The following MROH2B variants were observed in gnomAD, a reference collection of about 807,000 sequenced individuals.
MROH2B encodes maestro heat-like repeat-containing protein family member 2B.
In MROH2B, 177 loss-of-function variants were observed where a neutral mutation model predicts 208.6. The ratio of observed to expected loss-of-function variants is 0.85; its 90% CI spans 0.75 to 0.96. MROH2B has a LOEUF of 0.96. Ranked by LOEUF, MROH2B falls within the 40% of genes least tolerant of loss-of-function variation. The pLI is 0.00. For missense variants in MROH2B, 2,002 were observed against 1,878.7 expected (o/e 1.07, Z -1.21); for synonymous variants, 728 against 659.0 (o/e 1.10, Z -1.60).
intron 11 of MROH2B, among the ~76,000 whole-genome samples, 156 bp from the exon 12 acceptor site, chr5:41,052,743 A>G (rs1015405090): frequency 1.3e-5 from 2 of 152,242 alleles, no homozygotes; most frequent in African/African-American, 4.8e-5. Flanking sequence ...AATAATCCTT[A>G]TCCAAAATGC....
chr5:41,019,110 C>T (rs1375629365), intron 24 of MROH2B, 92 bp from the exon 25 acceptor site: 1 of 1,505,826 alleles, frequency 6.6e-7, no homozygotes, highest in Non-Finnish European at 9.1e-7. Context: ...CACATCTGAC[C>T]AGGCAACTAA....
At chr5:41,039,392 A>G (rs749973880) in intron 20 of MROH2B, 56 bp downstream of exon 20, 1 of 1,032,854 alleles carries the variant, frequency 9.7e-7, no homozygotes, top group South Asian at 1.5e-5. Context: ...CACTGAAGAA[A>G]TCAGGGTTGT....
chr5:41,051,841 T>G (rs1282966013), intron 12 of MROH2B, among the ~76,000 whole-genome samples: 1 of 152,196 alleles, frequency 6.6e-6, no homozygotes, highest in Non-Finnish European at 1.5e-5. Context: ...ATGGTGTTTT[T>G]AAAGGATTTT....
intron 28 of MROH2B, among the ~76,000 whole-genome samples, chr5:41,016,498 G>GTTT (rs10689623): frequency 0.24 from 19,476 of 80,702 alleles, 5,668 homozygotes; most frequent in South Asian, 0.32. Flanking sequence ...CTACTGTAAT[G>GTTT]TTTTTTTTTT....
chr5:41,000,985 C>T (rs1007105865), intron 37 of MROH2B, among the ~76,000 whole-genome samples, 152 bp from the exon 38 acceptor site: 3 of 152,082 alleles, frequency 2.0e-5, no homozygotes, highest in African/African-American at 7.2e-5. Context: ...CTAAATGTTC[C>T]AAGAACTTGC....
intron 29 of MROH2B, among the ~76,000 whole-genome samples, chr5:41,013,109 A>G (rs1478180287): frequency 6.6e-6 from 1 of 152,218 alleles, no homozygotes; most frequent in Non-Finnish European, 1.5e-5. Context: ...TAGAAACATG[A>G]CTTGAATCTG....
At chr5:41,061,463 C>T (rs1384115526) in intron 6 of MROH2B, 107 bp downstream of exon 6, 4 of 972,354 alleles carry the variant, frequency 4.1e-6, no homozygotes, top group South Asian at 6.2e-5. Flanking sequence ...AAAATACAAC[C>T]AATGGCTTCC....
At chr5:41,020,394 C>A (rs62357104) in intron 24 of MROH2B, among the ~76,000 whole-genome samples, 1,938 of 152,194 alleles carry the variant, frequency 0.013, 43 homozygotes, top group Non-Finnish European at 0.014. Flanking sequence ...GAGCTTTCTA[C>A]AAACCTCCCT....
In MROH2B at chr5:41,005,615, T is replaced by C. The variant is rs1236726539; in HGVS notation, c.3780A>G (p.Ile1260Met). 2 of 1,612,022 alleles carry C rather than the reference T, an allele frequency of 1.2e-6. No individual in the cohort carries two copies. The highest frequency in any genetic ancestry group is 1.7e-5 in the Admixed American group (1 of 59,804). Residue 1260 changes from isoleucine (I) to methionine (M), a missense_variant, in exon 35 of 42, where the codon ATA becomes ATG. Transcript: ENST00000399564. The part of the protein sequence containing the change: ...RSMAVWQHGV[I>M]LDIMEQLLSS... Reference sequence around the variant, plus strand: ...AGAGCAGCTGTTCCATGATGTCCAGTATGACTCCGTGTTGCCACACTGCCA... The same window carrying C: ...AGAGCAGCTGTTCCATGATGTCCAGCATGACTCCGTGTTGCCACACTGCCA...
At chr5:41,006,917 C>T (rs1210638011) in intron 34 of MROH2B, among the ~76,000 whole-genome samples, 1 of 152,062 alleles carries the variant, frequency 6.6e-6, no homozygotes, top group African/African-American at 2.4e-5. Context: ...ACCAAAATCT[C>T]AGAAATCATC....
At chr5:41,021,944 T>C (rs77972025) in intron 24 of MROH2B, among the ~76,000 whole-genome samples, 1,859 of 152,216 alleles carry the variant, frequency 0.012, 13 homozygotes, top group Middle Eastern at 0.027. Flanking sequence ...AAGTAAACCA[T>C]TAAATGAACT....
chr5:41,036,487 G>A (rs1184391488), intron 21 of MROH2B, among the ~76,000 whole-genome samples: 1 of 152,092 alleles, frequency 6.6e-6, no homozygotes, highest in African/African-American at 2.4e-5. Flanking sequence ...TCAGCAGAGT[G>A]AAAATGGACG....
chr5:41,015,813 G>A (rs1204106135), intron 28 of MROH2B, among the ~76,000 whole-genome samples: 1 of 152,182 alleles, frequency 6.6e-6, no homozygotes, highest in East Asian at 1.9e-4. Flanking sequence ...ACCCTGGTCT[G>A]TCTGACACAA....
At chr5:41,021,309 C>T (rs1742138999) in intron 24 of MROH2B, among the ~76,000 whole-genome samples, 1 of 152,172 alleles carries the variant, frequency 6.6e-6, no homozygotes, top group South Asian at 2.1e-4. Flanking sequence ...AATGGAATGA[C>T]ATCCTTTGTT....
At position 41,000,171 on chromosome 5, in the gene MROH2B, T is replaced by C. The variant is rs1279021140; in HGVS notation, c.4482+49A>G. 4 of 1,608,784 alleles carry C rather than the reference T, an allele frequency of 2.5e-6. No individual in the cohort carries two copies. In the South Asian group the frequency reaches 3.3e-5, roughly 13 times the overall value. On this transcript the variant is annotated intron_variant, in intron 39 of 41. Coordinates refer to ENST00000399564, the MANE Select transcript of MROH2B (RefSeq NM_173489.5). Reference sequence around the variant, plus strand: ...ATTGTTTGCCCTTCTGCGATTTGTCTAGACCCTTGTCCTGCCTTTTTTGGA... The same window carrying C: ...ATTGTTTGCCCTTCTGCGATTTGTCCAGACCCTTGTCCTGCCTTTTTTGGA...
rs957673726 is a variant in MROH2B at position 40,999,547 on chromosome 5, G to A, written c.4585+130C>T. The A allele has an allele frequency of 2.5e-5, 16 of 628,220 alleles. No homozygotes were observed. In the African/African-American group the frequency reaches 2.6e-4, roughly 10 times the overall value. The allele number at this position is 628,220 out of a possible 1,614,324, so 38.9% of individuals were successfully genotyped here. On this transcript the variant is annotated intron_variant, in intron 40 of 41. Coordinates refer to ENST00000399564, the MANE Select transcript of MROH2B (RefSeq NM_173489.5). ...GGATGTTACATGACGTAAGATAAAA[G>A]CCCTTTCTGGGCTTTAATAAAAAAG...
At chr5:41,025,639 T>C (rs1253029238) in intron 24 of MROH2B, among the ~76,000 whole-genome samples, 2 of 152,286 alleles carry the variant, frequency 1.3e-5, no homozygotes, top group East Asian at 3.9e-4. Flanking sequence ...CTTCTGAAAC[T>C]ATTCCAATCA....
In MROH2B at chr5:41,071,046, T is replaced by G. The variant is rs1318177296; in HGVS notation, c.-194A>C. On this transcript the variant is annotated 5_prime_UTR_variant, in exon 1 of 42. Coordinates refer to ENST00000399564, the MANE Select transcript of MROH2B (RefSeq NM_173489.5). ...GAGATGGGCTTGCTGTTGAAGTTGA[T>G]ACTGTATTCTACCACTATGACATTG... 10 of 578,982 alleles carry G rather than the reference T, an allele frequency of 1.7e-5. No individual in the cohort carries two copies. The highest frequency in any genetic ancestry group is 3.1e-5 in the Non-Finnish European group (10 of 326,530). The allele number at this position is 578,982 out of a possible 1,614,324, so 35.9% of individuals were successfully genotyped here.
At chr5:41,068,775 C>T (rs1012611280) in intron 2 of MROH2B, among the ~76,000 whole-genome samples, 1 of 152,148 alleles carries the variant, frequency 6.6e-6, no homozygotes, top group African/African-American at 2.4e-5. Flanking sequence ...GTGACTTCTA[C>T]TGAGAGATTA....
Sources: allele counts gnomAD v4.1 joint callset (sites outside exome capture counted in the v4.1 genomes callset), GRCh38; gene constraint gnomAD v4.1.1; transcripts MANE v1.5; gene names NCBI Gene and HGNC (gene_info 2026-07-23, HGNC 2026-07-21).